The following PLCB1 variants were observed in gnomAD, a reference collection of about 807,000 sequenced individuals.
PLCB1 encodes the protein phospholipase C beta 1.
PLCB1 carries 46 observed loss-of-function variants against 161.8 expected under a neutral mutation model. The observed-to-expected ratio is 0.28, with a 90% CI of 0.22 to 0.36. The LOEUF (loss-of-function observed/expected upper bound fraction) is 0.36. PLCB1 is among the 10% of genes least tolerant of loss of function. PLCB1 has a pLI of 1.00. For missense variants in PLCB1, 1,016 were observed against 1,472.5 expected, an observed-to-expected ratio of 0.69 and a Z score of 5.07; for synonymous variants, 517 against 503.7, an observed-to-expected ratio of 1.03 and a Z score of -0.35.
intron 4 of PLCB1, among the ~76,000 whole-genome samples, chr20:8,629,914 TTTCTTTCCTCTC>T (rs1988505530): frequency 6.7e-6 from 1 of 150,104 alleles, no homozygotes; most frequent in Non-Finnish European, 1.5e-5. Flanking sequence ...TTCTCTTTCC[TTTCTTTCCTCTC>T]TTCTTTCCTT....
chr20:8,796,533 A>C (rs1473277375), intron 31 of PLCB1, among the ~76,000 whole-genome samples: 3 of 152,200 alleles, frequency 2.0e-5, no homozygotes, highest in Non-Finnish European at 4.4e-5. Context: ...AAACTTGCAG[A>C]GTGGAAACTG....
intron 3 of PLCB1, among the ~76,000 whole-genome samples, chr20:8,438,239 T>C (rs1277279267): frequency 6.6e-6 from 1 of 152,210 alleles, no homozygotes; most frequent in Non-Finnish European, 1.5e-5. Context: ...AAAGTAATTT[T>C]GGCAACCTAC....
At chr20:8,848,176 T>A (rs1986755878) in intron 31 of PLCB1, among the ~76,000 whole-genome samples, 1 of 150,722 alleles carries the variant, frequency 6.6e-6, no homozygotes, top group South Asian at 2.1e-4. Context: ...ACACTTTAAC[T>A]CTAGAGGGAA....
intron 3 of PLCB1, among the ~76,000 whole-genome samples, chr20:8,389,158 G>A (rs1987518403): frequency 6.6e-6 from 1 of 152,104 alleles, no homozygotes. Context: ...TTTCTGGGGT[G>A]GTATAATTTC....
At chr20:8,290,265 G>C (rs1474039029) in intron 2 of PLCB1, among the ~76,000 whole-genome samples, 1 of 152,202 alleles carries the variant, frequency 6.6e-6, no homozygotes, top group Non-Finnish European at 1.5e-5. Context: ...GGTTCCCCCA[G>C]GAGGAGATTC....
chr20:8,225,539 T>C (rs1979635618), intron 2 of PLCB1, among the ~76,000 whole-genome samples: 1 of 152,240 alleles, frequency 6.6e-6, no homozygotes, highest in Non-Finnish European at 1.5e-5. Context: ...TGTCTTGGCA[T>C]ACTTGGAATC....
chr20:8,696,927 G>T (rs982170352), intron 10 of PLCB1, among the ~76,000 whole-genome samples: 1 of 152,070 alleles, frequency 6.6e-6, no homozygotes, highest in Admixed American at 6.6e-5. Context: ...CAGAGATGGG[G>T]TTTCACCATG....
chr20:8,244,981 GGA>G (rs1050944112), intron 2 of PLCB1, among the ~76,000 whole-genome samples: 1 of 146,604 alleles, frequency 6.8e-6, no homozygotes, highest in African/African-American at 2.6e-5. Context: ...GTTCTATTTT[GGA>G]GGGGGGGATG....
At chr20:8,457,765 T>C (rs1045605776) in intron 3 of PLCB1, among the ~76,000 whole-genome samples, 3 of 149,752 alleles carry the variant, frequency 2.0e-5, no homozygotes, top group African/African-American at 4.9e-5. Flanking sequence ...CCATCTTGCC[T>C]TCCAGGCACC....
chr20:8,384,546 G>A (rs1987364827), intron 3 of PLCB1, among the ~76,000 whole-genome samples: 1 of 152,024 alleles, frequency 6.6e-6, no homozygotes, highest in South Asian at 2.1e-4. Context: ...CTCATCCTCT[G>A]TCCAGTTCTG....
chr20:8,227,713 T>A (rs1979771577), intron 2 of PLCB1, among the ~76,000 whole-genome samples: 1 of 152,128 alleles, frequency 6.6e-6, no homozygotes, highest in Admixed American at 6.6e-5. Context: ...AAAGAAAAAT[T>A]CCCATAGGAC....
intron 9 of PLCB1, among the ~76,000 whole-genome samples, chr20:8,674,827 A>T (rs2123371525): frequency 6.6e-6 from 1 of 152,318 alleles, no homozygotes; most frequent in South Asian, 2.1e-4. Context: ...TCCCTAAAGC[A>T]AAAGGTCAAA....
chr20:8,661,847 T>C (rs11906029), intron 9 of PLCB1, among the ~76,000 whole-genome samples: 72,255 of 144,612 alleles, frequency 0.5, 18,333 homozygotes, highest in African/African-American at 0.56. Context: ...CTTCAGTATT[T>C]AATAAATCTT....
chr20:8,400,948 T>G (rs1978524160), intron 3 of PLCB1, among the ~76,000 whole-genome samples: 2 of 152,218 alleles, frequency 1.3e-5, no homozygotes, highest in African/African-American at 4.8e-5. Context: ...AATTATGAAA[T>G]GCATTGCCAA....
chr20:8,428,806 TGTCAGAGGTGAGG>T (rs1979906884), intron 3 of PLCB1, among the ~76,000 whole-genome samples: 1 of 152,198 alleles, frequency 6.6e-6, no homozygotes, highest in Non-Finnish European at 1.5e-5. Flanking sequence ...GAGAACGTAG[TGTCAGAGGTGAGG>T]GGATTCTGTG....
At chr20:8,159,988 CAAA>C (rs375028388) in intron 2 of PLCB1, among the ~76,000 whole-genome samples, 2 of 79,324 alleles carry the variant, frequency 2.5e-5, no homozygotes, top group African/African-American at 4.4e-5. Context: ...AACTCCATCT[CAAA>C]AAAAAAAAAA....
chr20:8,619,646 A>C (rs1988125253), intron 3 of PLCB1, among the ~76,000 whole-genome samples: 1 of 152,172 alleles, frequency 6.6e-6, no homozygotes, highest in Admixed American at 6.5e-5. Context: ...AAGCTTTGAG[A>C]ATATGAGTTG....
intron 2 of PLCB1, among the ~76,000 whole-genome samples, chr20:8,168,361 C>A (rs1441032346): frequency 6.6e-6 from 1 of 152,134 alleles, no homozygotes; most frequent in Admixed American, 6.5e-5. Context: ...CTTCCTCATC[C>A]TTCTGAAATA....
At chr20:8,281,988 T>A (rs572676730) in intron 2 of PLCB1, among the ~76,000 whole-genome samples, 22 of 151,970 alleles carry the variant, frequency 1.4e-4, no homozygotes, top group African/African-American at 4.3e-4. Flanking sequence ...CTGAAATATT[T>A]AAAAAAAAAT....
Sources: gnomAD v4.1 joint callset for allele counts (sites outside exome capture counted in the v4.1 genomes callset) on GRCh38, gnomAD v4.1.1 for gene constraint, MANE v1.5 for transcripts, NCBI Gene and HGNC (gene_info 2026-07-23, HGNC 2026-07-21) for gene names.